The following KIAA1614 variants were observed in gnomAD, a reference collection of about 807,000 sequenced individuals.
The protein encoded by KIAA1614 is KIAA1614, also known as uncharacterized protein KIAA1614.
KIAA1614 carries 76 observed loss-of-function variants against 88.7 expected under a neutral mutation model. The ratio of observed to expected loss-of-function variants is 0.86; its 90% CI spans 0.71 to 1.04. The LOEUF (loss-of-function observed/expected upper bound fraction) is 1.04. Among genes scored for constraint, KIAA1614 ranks in the 50% least tolerant of loss-of-function variants. The pLI is 0.00. For missense variants in KIAA1614, 1,553 were observed against 1,582.5 expected (o/e 0.98, Z 0.32); for synonymous variants, 714 against 675.5 (o/e 1.06, Z -0.88).
Position 180,935,857 on chromosome 1 carries a change from C to T in KIAA1614, c.1948C>T (p.Arg650Trp), listed in dbSNP as rs1412267948. Reference sequence around the variant, plus strand: ...AGGCAGCAGCCCGCGACTGCGACTGCGGGGCTCCAGGCCTCGAGGCCACAG... The same window carrying T: ...AGGCAGCAGCCCGCGACTGCGACTGTGGGGCTCCAGGCCTCGAGGCCACAG... Reference protein sequence around the residue: ...TQGSSPRLRLRGSRPRGHRWS... With the variant: ...TQGSSPRLRLWGSRPRGHRWS... Residue 650 changes from arginine (R) to tryptophan (W), a missense_variant, in exon 5 of 9, where the codon CGG becomes TGG. Arg to Trp is a moderately radical substitution (Grantham distance 101). Coordinates refer to ENST00000367588, the MANE Select transcript of KIAA1614 (RefSeq NM_020950.2). The surrounding 1 kb of genome is among the most constrained non-coding windows in gnomAD (Gnocchi z 6.1). 1.1e-5 allele frequency: 17 copies of T among 1,613,572 alleles called. No homozygotes were observed. The highest frequency in any genetic ancestry group is 6.6e-5 in the South Asian group (6 of 91,078).
chr1:180,940,905 G>T (rs1654444546), intron 6 of KIAA1614, 140 bp from the exon 7 acceptor site: 8 of 727,126 alleles, frequency 1.1e-5, no homozygotes, highest in East Asian at 2.7e-5. Context: ...CTACAGCCTG[G>T]TTGTTAGTTC....
At chr1:180,944,561 C>T (rs768162269) in intron 8 of KIAA1614, 45 bp downstream of exon 8, 1 of 1,593,470 alleles carries the variant, frequency 6.3e-7, no homozygotes, top group Non-Finnish European at 8.6e-7. Flanking sequence ...CAGAGAGTGA[C>T]CAGCGGAGCC....
Position 180,944,516 on chromosome 1 carries a change from G to A in KIAA1614, c.3287G>A (p.Arg1096Lys). ...AGPGDHSAAGRPAKTSPRRAL... is the reference protein window; with the variant it reads ...AGPGDHSAAGKPAKTSPRRAL... Reference sequence around the variant, plus strand: ...CCAGGGGACCACAGTGCAGCTGGCAGGTATGAGGGGCACACATGGTTTGGA... The same window carrying A: ...CCAGGGGACCACAGTGCAGCTGGCAAGTATGAGGGGCACACATGGTTTGGA... The change falls in exon 8 of 9, where the codon AGG (arginine) becomes AAG (lysine). Residue 1096 changes from arginine (R) to lysine (K), a missense_variant and splice_region_variant. Coordinates refer to ENST00000367588, the MANE Select transcript of KIAA1614 (RefSeq NM_020950.2). 1.9e-6 allele frequency: 3 copies of A among 1,613,062 alleles called. No individual in the cohort carries two copies. The highest frequency in any genetic ancestry group is 2.5e-6 in the Non-Finnish European group (3 of 1,179,490).
chr1:180,941,182 C>T lies in KIAA1614; in HGVS notation c.3056C>T (p.Pro1019Leu), dbSNP rs549648187. ...TCAGCCCTGGGCCAGAGTTCCCGGC[C>T]CAAGCTGGGCAAGTCCCGCAGCTAC... ...LFSALGQSSR[P>L]KLGKSRSYSV... Residue 1019 changes from proline to leucine, a missense_variant, in exon 7 of 9, where the codon CCC (proline) becomes CTC (leucine). By Grantham distance (98) the Pro-to-Leu change is moderately conservative. Transcript: ENST00000367588. 1.9e-6 allele frequency: 3 copies of T among 1,613,836 alleles called. No homozygotes were observed. The highest frequency in any genetic ancestry group is 1.7e-6 in the Non-Finnish European group (2 of 1,179,960).
Position 180,935,468 on chromosome 1 carries a change from AC to A in KIAA1614, c.1561del (p.Arg521AlafsTer56). 6.8e-7 allele frequency: 1 copy of A among 1,471,558 alleles called. No individual in the cohort carries two copies. Among genetic ancestry groups the A allele is most frequent in the Non-Finnish European group, 8.9e-7 (1 of 1,117,438 alleles). The allele number at this position is 1,471,558 out of a possible 1,614,324, so 91.2% of individuals were successfully genotyped here. ...GTFHRLVGSL[D>X]RRGHPAPPAP... ...TTCCACAGGCTTGTGGGCAGCCTGG[AC>A]CGCAGGGGACACCCGGCACCGCCGG... On this transcript the variant is annotated frameshift_variant, in exon 5 of 9. Transcript: ENST00000367588. LOFTEE classifies it high-confidence loss of function. This position sits in a 1 kb window ranked among gnomAD's most constrained non-coding sequence, Gnocchi z 6.1.
intron 8 of KIAA1614, chr1:180,944,770 C>A: frequency 2.8e-6 from 1 of 355,954 alleles, no homozygotes; most frequent in Non-Finnish European, 5.2e-6. Flanking sequence ...CGGTTTGATT[C>A]CACTGTCCCT....
rs777216947 is a variant in KIAA1614 at position 180,941,177 on chromosome 1, C to A, written c.3051C>A (p.Ser1017=). ...TCTTCTCAGCCCTGGGCCAGAGTTC[C>A]CGGCCCAAGCTGGGCAAGTCCCGCA... ...KKLFSALGQS[S]RPKLGKSRSY... Residue 1017 remains serine, a synonymous_variant, in exon 7 of 9, where the codon TCC becomes TCA. Coordinates refer to ENST00000367588, the MANE Select transcript of KIAA1614 (RefSeq NM_020950.2). 6.2e-7 allele frequency: 1 copy of A among 1,613,858 alleles called. No homozygotes were observed. The highest frequency in any genetic ancestry group is 1.1e-5 in the South Asian group (1 of 91,084).
intron 4 of KIAA1614, among the ~76,000 whole-genome samples, chr1:180,932,439 C>T (rs1398548043): frequency 6.6e-6 from 1 of 152,176 alleles, no homozygotes; most frequent in Non-Finnish European, 1.5e-5. Context: ...TGTCATTCTA[C>T]ATTAAAATCT....
At chr1:180,941,991 G>T (rs1654478232) in intron 7 of KIAA1614, among the ~76,000 whole-genome samples, 1 of 152,056 alleles carries the variant, frequency 6.6e-6, no homozygotes, top group Non-Finnish European at 1.5e-5. Context: ...TCCATCTACT[G>T]CAGGCACACG....
At chr1:180,928,034 A>T (rs1654106555) in intron 3 of KIAA1614, 1 of 166,882 alleles carries the variant, frequency 6.0e-6, no homozygotes, top group African/African-American at 2.4e-5. Flanking sequence ...CTGTCTGGGC[A>T]CAGGCCCAGC....
intron 3 of KIAA1614, among the ~76,000 whole-genome samples, chr1:180,919,174 C>T (rs1375192203): frequency 1.3e-5 from 2 of 152,204 alleles, no homozygotes; most frequent in African/African-American, 4.8e-5. Context: ...AGTCCTCCAC[C>T]CCCGCACCTG....
chr1:180,937,783 C>A (rs953917886), intron 5 of KIAA1614, among the ~76,000 whole-genome samples: 2 of 152,208 alleles, frequency 1.3e-5, no homozygotes, highest in African/African-American at 4.8e-5. Context: ...GCAACCGCCT[C>A]CCCCTGGGGT....
chr1:180,913,650 G>C (rs1288339605), intron 1 of KIAA1614, among the ~76,000 whole-genome samples: 1 of 152,120 alleles, frequency 6.6e-6, no homozygotes, highest in Non-Finnish European at 1.5e-5. Flanking sequence ...TTGGAGCCAG[G>C]GTCTCGCTCT....
Position 180,950,795 on chromosome 1 carries a change from C to T in KIAA1614, c.*5207C>T, listed in dbSNP as rs1221907197. The T allele has an allele frequency of 1.3e-5, 2 of 152,488 alleles. No individual in the cohort carries two copies. Among genetic ancestry groups the T allele is most frequent in the Non-Finnish European group, 2.9e-5 (2 of 68,282 alleles). The allele number at this position is 152,488 out of a possible 1,614,324, so 9.4% of individuals were successfully genotyped here. A position where few individuals can be genotyped will look rare whatever the true frequency, so the allele number is the denominator to read the frequency against. ...TCTCCTTCCATGTCTGAGGGGGTGT[C>T]AACATCTACTTGTACCTTTGTTGGC... On this transcript the variant is annotated 3_prime_UTR_variant, in exon 9 of 9. Transcript: ENST00000367588.
chr1:180,949,096 C>T lies in KIAA1614; in HGVS notation c.*3508C>T, dbSNP rs1654671372. 6.6e-6 allele frequency: 1 copy of T among 152,324 alleles called. No homozygotes were observed. Among genetic ancestry groups the T allele is most frequent in the Non-Finnish European group, 1.5e-5 (1 of 68,094 alleles). The allele number at this position is 152,324 out of a possible 1,614,324, so 9.4% of individuals were successfully genotyped here. A position where few individuals can be genotyped will look rare whatever the true frequency, so the allele number is the denominator to read the frequency against. The stretch of plus-strand genomic sequence containing the variant: ...CAGAGATTGAGGAGCAGACCTGATG[C>T]CCTTTCGGGCCCCTGCTAAGAACCT... On this transcript the variant is annotated 3_prime_UTR_variant, in exon 9 of 9. Coordinates refer to ENST00000367588, the MANE Select transcript of KIAA1614 (RefSeq NM_020950.2).
rs555839088 is a variant in KIAA1614, at chr1:180,931,929, T to C, written c.1206-3186T>C. Among the ~76,000 whole-genome samples the C allele has an allele frequency of 6.4e-4, 98 of 152,062 alleles. No homozygotes were observed. In the South Asian group the frequency reaches 0.019, roughly 30 times the overall value. On this transcript the variant is annotated intron_variant, in intron 4 of 8. Transcript: ENST00000367588. ...ATCTCCCTGTGGGCCTTTGCCTGCATTGGGTCGGCTGGGCTGGGAGGGCGT... is the reference window on the plus strand; with the variant it reads ...ATCTCCCTGTGGGCCTTTGCCTGCACTGGGTCGGCTGGGCTGGGAGGGCGT...
chr1:180,913,891 A>T (rs1396888059), intron 1 of KIAA1614: 1 of 152,258 alleles, frequency 6.6e-6, no homozygotes, highest in African/African-American at 2.4e-5. Context: ...CTCATAGAAC[A>T]AATTATTTCT....
At chr1:180,941,806 G>T (rs1245595984) in intron 7 of KIAA1614, among the ~76,000 whole-genome samples, 4 of 152,150 alleles carry the variant, frequency 2.6e-5, no homozygotes, top group African/African-American at 9.7e-5. Flanking sequence ...CAGACCACTT[G>T]GCATGGCCAG....
rs199688850 is a variant in KIAA1614, at chr1:180,928,395, T to C, written c.1062-35T>C. ...ATCTGCGTTATTTTCCTCTAATCCC[T>C]CCCCCACCACCCTGGCCTGTGTGCC... On this transcript the variant is annotated intron_variant, in intron 3 of 8. Transcript: ENST00000367588. 344 of 1,491,952 alleles carry C rather than the reference T, an allele frequency of 2.3e-4. 1 individual carries two copies. The highest frequency in any genetic ancestry group is 2.9e-4 in the Non-Finnish European group (320 of 1,116,444). The allele number at this position is 1,491,952 out of a possible 1,614,324, so 92.4% of individuals were successfully genotyped here.
Sources: allele counts gnomAD v4.1 joint callset (sites outside exome capture counted in the v4.1 genomes callset), GRCh38; gene constraint gnomAD v4.1.1; non-coding constraint Gnocchi (gnomAD v3.1); transcripts MANE v1.5; gene names NCBI Gene and HGNC (gene_info 2026-07-23, HGNC 2026-07-21).